Variants in EIF2B3 observed in about 807,000 individuals in gnomAD.
EIF2B3 encodes eukaryotic translation initiation factor 2B subunit gamma, also known as translation initiation factor eIF2B subunit gamma.
Under a neutral mutation model 54.1 loss-of-function variants are expected in EIF2B3, and 20 were observed. The observed-to-expected ratio is 0.37, with a 90% confidence interval of 0.26 to 0.54. The LOEUF (loss-of-function observed/expected upper bound fraction) is 0.54. Among genes scored for constraint, EIF2B3 ranks in the 20% least tolerant of loss-of-function variants. EIF2B3 has a pLI of 0.86. For synonymous variants in EIF2B3, 153 were observed against 188.1 expected, an observed-to-expected ratio of 0.81 and a Z score of 1.52; for missense variants, 448 against 547.8, an observed-to-expected ratio of 0.82 and a Z score of 1.82.
intron 9 of EIF2B3, 29 bp from the exon 10 acceptor site, chr1:44,874,855 C>G: frequency 6.2e-7 from 1 of 1,613,872 alleles, no homozygotes; most frequent in Non-Finnish European, 8.5e-7. Flanking sequence ...AAAACTCTGT[C>G]CACCCATCTC....
intron 10 of EIF2B3, among the ~76,000 whole-genome samples, chr1:44,859,898 A>G (rs1237974602): frequency 6.6e-6 from 1 of 151,774 alleles, no homozygotes; most frequent in Admixed American, 6.6e-5. Context: ...CTGGGATTAC[A>G]GGTGCCTGCC....
intron 3 of EIF2B3, among the ~76,000 whole-genome samples, chr1:44,955,678 A>C (rs1274901920): frequency 6.6e-6 from 1 of 152,112 alleles, no homozygotes; most frequent in Non-Finnish European, 1.5e-5. Context: ...AGAAAAAAAA[A>C]CCCCATCAAA....
chr1:44,961,028 C>T (rs929244825), intron 3 of EIF2B3, among the ~76,000 whole-genome samples: 1 of 149,852 alleles, frequency 6.7e-6, no homozygotes, highest in African/African-American at 2.5e-5. Context: ...CAATGAGGTA[C>T]TATGTAGCTG....
At chr1:44,979,830 G>A (rs180930070) in intron 2 of EIF2B3, among the ~76,000 whole-genome samples, 5 of 152,078 alleles carry the variant, frequency 3.3e-5, no homozygotes, top group Admixed American at 3.3e-4. Flanking sequence ...GCCGGGAGTG[G>A]TGGTACACGC....
At chr1:44,923,417 C>T (rs575020822) in intron 5 of EIF2B3, among the ~76,000 whole-genome samples, 1 of 152,284 alleles carries the variant, frequency 6.6e-6, no homozygotes, top group South Asian at 2.1e-4. Context: ...TTTATAGTTG[C>T]CAGTATTGCT....
intron 3 of EIF2B3, among the ~76,000 whole-genome samples, chr1:44,965,976 T>C (rs1644334450): frequency 6.6e-6 from 1 of 152,028 alleles, no homozygotes; most frequent in Admixed American, 6.6e-5. Flanking sequence ...TCTCCTAGAC[T>C]GTAAAGCGTA....
intron 10 of EIF2B3, among the ~76,000 whole-genome samples, chr1:44,868,062 G>A (rs1194613592): frequency 6.6e-6 from 1 of 151,800 alleles, no homozygotes; most frequent in Non-Finnish European, 1.5e-5. Context: ...ATGACTATGA[G>A]ATATGCTAGG....
intron 4 of EIF2B3, among the ~76,000 whole-genome samples, chr1:44,928,500 G>T (rs934382220): frequency 1.4e-5 from 2 of 139,162 alleles, no homozygotes; most frequent in African/African-American, 5.3e-5. Flanking sequence ...AGGGCGCTTC[G>T]TTTTTTTTTT....
chr1:44,875,995 G>A (rs1187112980), intron 8 of EIF2B3, among the ~76,000 whole-genome samples: 1 of 152,208 alleles, frequency 6.6e-6, no homozygotes, highest in African/African-American at 2.4e-5. Context: ...TGTGTTGGCC[G>A]GGCTGGTCTC....
intron 6 of EIF2B3, among the ~76,000 whole-genome samples, chr1:44,895,623 TATATTTACAGATGAAATTATATCAAA>T (rs1038091203): frequency 1.1e-4 from 16 of 152,110 alleles, no homozygotes; most frequent in Non-Finnish European, 2.2e-4. Context: ...CATGCTGAAA[TATATTTACAGATGAAATTATATCAAA>T]ATATTTACAG....
chr1:44,864,335 C>A (rs527530921), intron 10 of EIF2B3, among the ~76,000 whole-genome samples: 23 of 151,968 alleles, frequency 1.5e-4, no homozygotes, highest in Non-Finnish European at 2.2e-4. Context: ...GAGGCTGAGG[C>A]GGGTGGATCA....
Position 44,966,235 on chromosome 1 carries a change from C to T in EIF2B3, c.294+12080G>A, listed in dbSNP as rs563219898. Among the ~76,000 whole-genome samples the T allele has an allele frequency of 7.2e-5, 11 of 151,932 alleles. No homozygotes were observed. The South Asian group carries it at 1.9e-3, about 26-fold the overall frequency. Reference sequence around the variant, plus strand: ...AAGGAGGATCACAAGGTCAAGAGATCGAGACCATCCTGGCTAACATGGTGA... The same window carrying T: ...AAGGAGGATCACAAGGTCAAGAGATTGAGACCATCCTGGCTAACATGGTGA... On this transcript the variant is annotated intron_variant, in intron 3 of 11. Coordinates refer to ENST00000360403, the MANE Select transcript of EIF2B3 (RefSeq NM_020365.5).
intron 3 of EIF2B3, among the ~76,000 whole-genome samples, chr1:44,966,374 G>A (rs1644340531): frequency 6.7e-6 from 1 of 150,082 alleles, no homozygotes; most frequent in Admixed American, 6.7e-5. Flanking sequence ...GGGGGGCGGA[G>A]CTTGCAGTGA....
intron 6 of EIF2B3, among the ~76,000 whole-genome samples, chr1:44,895,887 C>T (rs1031555287): frequency 6.6e-6 from 1 of 152,150 alleles, no homozygotes; most frequent in African/African-American, 2.4e-5. Context: ...TTCTCTTCTG[C>T]CTATCAAGGC....
Position 44,875,614 on chromosome 1 carries a change from T to G in EIF2B3, c.1053+4A>C. 6.2e-7 allele frequency: 1 copy of G among 1,614,020 alleles called. No homozygotes were observed. The highest frequency in any genetic ancestry group is 1.3e-5 in the African/African-American group (1 of 75,048). ...ATGCCCGTCCTGGCCACACTAGCAC[T>G]TACCAGGTGTTTGCTGACAATCTGG... On this transcript the variant is annotated splice_donor_region_variant and intron_variant, in intron 9 of 11. Coordinates refer to ENST00000360403, the MANE Select transcript of EIF2B3 (RefSeq NM_020365.5).
At chr1:44,908,755 T>C (rs74555937) in intron 5 of EIF2B3, among the ~76,000 whole-genome samples, 155 of 152,216 alleles carry the variant, frequency 1.0e-3, no homozygotes, top group East Asian at 8.1e-3. Flanking sequence ...AAAAAACTAA[T>C]GGAGAAAAGG....
chr1:44,941,267 C>T (rs75275794), intron 4 of EIF2B3, among the ~76,000 whole-genome samples: 2,406 of 152,260 alleles, frequency 0.016, 38 homozygotes, highest in African/African-American at 0.039. Flanking sequence ...GCCTTAAATA[C>T]AATGCAAATA....
chr1:44,867,701 A>C (rs1654825713), intron 10 of EIF2B3, among the ~76,000 whole-genome samples: 1 of 152,038 alleles, frequency 6.6e-6, no homozygotes, highest in Admixed American at 6.6e-5. Flanking sequence ...TTCATATGGG[A>C]TGTAGGATGT....
chr1:44,977,567 C>T (rs200113401), intron 3 of EIF2B3, among the ~76,000 whole-genome samples: 143 of 151,626 alleles, frequency 9.4e-4, no homozygotes, highest in African/African-American at 3.3e-3. Flanking sequence ...TGGGTTCAAG[C>T]GATTCTCCTG....
Sources: gnomAD v4.1 joint callset for allele counts (sites outside exome capture counted in the v4.1 genomes callset) on GRCh38, gnomAD v4.1.1 for gene constraint, MANE v1.5 for transcripts, NCBI Gene and HGNC (gene_info 2026-07-23, HGNC 2026-07-21) for gene names.